STK3: variants seen among roughly 807,000 people sequenced by gnomAD.
The protein encoded by STK3 is serine/threonine-protein kinase 3.
A neutral mutation model predicts 58.0 loss-of-function variants in STK3; 41 were observed. The ratio of observed to expected loss-of-function variants is 0.71; its 90% confidence interval spans 0.55 to 0.92. The LOEUF (loss-of-function observed/expected upper bound fraction) is 0.92, where lower values mean the gene tolerates loss of function less well. STK3 is among the 40% of genes least tolerant of loss of function. The pLI, the probability that STK3 is intolerant of heterozygous loss-of-function variation, is 0.00. For missense variants in STK3, 479 were observed against 602.7 expected, an observed-to-expected ratio of 0.79 and a Z score of 2.15; for synonymous variants, 170 against 191.0, an observed-to-expected ratio of 0.89 and a Z score of 0.91.
At chr8:98,742,306 G>A (rs1036129797) in intron 4 of STK3, among the ~76,000 whole-genome samples, 1 of 150,816 alleles carries the variant, frequency 6.6e-6, no homozygotes, top group Admixed American at 6.7e-5. Flanking sequence ...CAATATCCTT[G>A]ATGAACGTTG....
At chr8:98,564,656 G>A (rs781775076) in intron 8 of STK3, among the ~76,000 whole-genome samples, 19 of 152,076 alleles carry the variant, frequency 1.2e-4, no homozygotes, top group Non-Finnish European at 2.5e-4. Flanking sequence ...AAATGCATGA[G>A]GTGATGGAAA....
intron 1 of STK3, among the ~76,000 whole-genome samples, chr8:98,886,303 T>C (rs1237124833): frequency 6.6e-6 from 1 of 152,222 alleles, no homozygotes; most frequent in Non-Finnish European, 1.5e-5. Flanking sequence ...GATTTTGGCA[T>C]TGGTGGAATC....
At chr8:98,526,117 G>A (rs1825728372) in intron 10 of STK3, among the ~76,000 whole-genome samples, 1 of 151,748 alleles carries the variant, frequency 6.6e-6, no homozygotes, top group African/African-American at 2.4e-5. Flanking sequence ...CTCAAGTTCT[G>A]GAAACAGTTA....
At chr8:98,606,810 G>T (rs1005585459) in intron 6 of STK3, among the ~76,000 whole-genome samples, 1 of 152,154 alleles carries the variant, frequency 6.6e-6, no homozygotes. Context: ...CTCCTGATTA[G>T]CATCCTTTAT....
intron 1 of STK3, among the ~76,000 whole-genome samples, chr8:98,775,488 C>T (rs993039003): frequency 3.3e-5 from 5 of 152,206 alleles, no homozygotes; most frequent in East Asian, 1.9e-4. Flanking sequence ...ATGCCCCACA[C>T]GGAGCCAAGA....
At chr8:98,739,061 G>A (rs964210357) in intron 4 of STK3, among the ~76,000 whole-genome samples, 1 of 152,260 alleles carries the variant, frequency 6.6e-6, no homozygotes, top group South Asian at 2.1e-4. Flanking sequence ...CATTGCCCAA[G>A]CTTGCTTAGG....
At position 98,447,825 on chromosome 8, in the gene STK3, C is replaced by A. The variant is rs4623381; in HGVS notation, n.186-10617G>T. On this transcript the variant is annotated intron_variant and non_coding_transcript_variant, in intron 1 of 3. Coordinates refer to the STK3 transcript ENST00000517832. Reference sequence around the variant, plus strand: ...GAATGTCAGGGAACTGAGCAAGGCACCAGGATTCATTGAACAAGATTAAAA... The same window carrying A: ...GAATGTCAGGGAACTGAGCAAGGCAACAGGATTCATTGAACAAGATTAAAA... 1.5e-3 allele frequency among the ~76,000 whole-genome samples: 227 copies of A among 148,638 alleles called. 4 individuals are homozygous for A. In the East Asian group the frequency reaches 0.042, roughly 27 times the overall value.
intron 6 of STK3, among the ~76,000 whole-genome samples, chr8:98,697,444 G>A (rs1825067481): frequency 6.6e-6 from 1 of 152,166 alleles, no homozygotes; most frequent in African/African-American, 2.4e-5. Context: ...TTTTAACTGT[G>A]ATGTTAGGGT....
intron 3 of STK3, among the ~76,000 whole-genome samples, chr8:98,393,966 C>T (rs974566331): frequency 2.6e-5 from 4 of 152,196 alleles, no homozygotes; most frequent in African/African-American, 9.7e-5. Context: ...GAGGCTGAAG[C>T]ACTAAGAGAG....
intron 6 of STK3, among the ~76,000 whole-genome samples, chr8:98,654,372 A>G (rs867062280): frequency 4.6e-5 from 7 of 152,280 alleles, no homozygotes; most frequent in Middle Eastern, 3.4e-3. Flanking sequence ...CCCACAGCCA[A>G]TATCATACTG....
At chr8:98,544,772 A>C (rs1810567586) in intron 9 of STK3, among the ~76,000 whole-genome samples, 1 of 152,054 alleles carries the variant, frequency 6.6e-6, no homozygotes, top group African/African-American at 2.4e-5. Context: ...ATTATGTGGC[A>C]GAGGAGATTT....
chr8:98,500,631 C>A (rs944884306), intron 10 of STK3, among the ~76,000 whole-genome samples: 3 of 151,746 alleles, frequency 2.0e-5, no homozygotes, highest in African/African-American at 7.3e-5. Context: ...GTGCTTTAGT[C>A]ATAACCTATG....
At chr8:98,624,873 AAAGTGGTTC>A (rs1554637041) in intron 6 of STK3, among the ~76,000 whole-genome samples, 1 of 151,926 alleles carries the variant, frequency 6.6e-6, no homozygotes, top group Non-Finnish European at 1.5e-5. Context: ...AAAAAAAAAG[AAAGTGGTTC>A]AAGTGACAGA....
At chr8:98,682,312 A>G in intron 6 of STK3, among the ~76,000 whole-genome samples, 1 of 152,234 alleles carries the variant, frequency 6.6e-6, no homozygotes, top group Non-Finnish European at 1.5e-5. Context: ...CTTAAAGATC[A>G]TGATGCAACT....
chr8:98,686,014 G>T (rs1211700180), intron 6 of STK3, among the ~76,000 whole-genome samples: 1 of 152,100 alleles, frequency 6.6e-6, no homozygotes, highest in African/African-American at 2.4e-5. Flanking sequence ...ACGTTTTACA[G>T]TGTATAGCTT....
At chr8:98,708,577 GAA>G (rs1313436446) in intron 4 of STK3, among the ~76,000 whole-genome samples, 1 of 152,166 alleles carries the variant, frequency 6.6e-6, no homozygotes, top group Non-Finnish European at 1.5e-5. Context: ...GGATGGGAAA[GAA>G]AGAAAATCTT....
chr8:98,906,764 A>C (rs936600757), intron 1 of STK3, among the ~76,000 whole-genome samples: 4 of 152,106 alleles, frequency 2.6e-5, no homozygotes, highest in Non-Finnish European at 5.9e-5. Flanking sequence ...ATCACCTCTA[A>C]AGAGATGTTC....
At chr8:98,888,190 G>A (rs1457631056) in intron 1 of STK3, among the ~76,000 whole-genome samples, 14 of 152,214 alleles carry the variant, frequency 9.2e-5, no homozygotes, top group South Asian at 8.3e-4. Context: ...ATGGTGGTGC[G>A]TGTCTGTAGT....
chr8:98,733,688 A>G (rs1828368620), intron 4 of STK3, among the ~76,000 whole-genome samples: 1 of 150,940 alleles, frequency 6.6e-6, no homozygotes, highest in South Asian at 2.1e-4. Flanking sequence ...AAGAACTCTA[A>G]CTCTTTGCAA....
Sources: gnomAD v4.1 joint callset for allele counts (sites outside exome capture counted in the v4.1 genomes callset) on GRCh38, gnomAD v4.1.1 for gene constraint, MANE v1.5 for transcripts, NCBI Gene and HGNC (gene_info 2026-07-23, HGNC 2026-07-21) for gene names.